The following SATB2 variants were observed in gnomAD, a reference collection of about 807,000 sequenced individuals.
SATB2 encodes SATB homeobox 2, also known as DNA-binding protein SATB2.
In SATB2, 1 loss-of-function variant was observed where a neutral mutation model predicts 73.4. That is an observed-to-expected ratio of 0.01 (90% confidence interval 0.00 to 0.06). The LOEUF is 0.06. SATB2 is among the 10% of genes least tolerant of loss of function. The probability of loss-of-function intolerance (pLI) is 1.00; values close to 1 mark genes in which losing one functional copy is unlikely to be tolerated. For missense variants in SATB2, 459 were observed against 945.8 expected, an observed-to-expected ratio of 0.49 and a Z score of 6.75; for synonymous variants, 397 against 367.0, an observed-to-expected ratio of 1.08 and a Z score of -0.93.
At chr2:199,295,493 C>T (rs1382225688) in intron 10 of SATB2, among the ~76,000 whole-genome samples, 6 of 151,886 alleles carry the variant, frequency 4.0e-5, no homozygotes, top group Admixed American at 1.3e-4. Context: ...GCCAGTTTCA[C>T]GCTGCCAATG....
At chr2:199,299,632 TTTG>T (rs1446200931) in intron 10 of SATB2, among the ~76,000 whole-genome samples, 1 of 94,490 alleles carries the variant, frequency 1.1e-5, no homozygotes, top group Non-Finnish European at 3.0e-5. Context: ...CATGTGAAAT[TTTG>T]TTTTTTTTCA....
At chr2:199,451,913 C>T (rs976121274) in intron 2 of SATB2, among the ~76,000 whole-genome samples, 6 of 151,938 alleles carry the variant, frequency 3.9e-5, no homozygotes, top group African/African-American at 7.3e-5. Flanking sequence ...CCTGGTAGCA[C>T]GAATAGGTCT....
At chr2:199,459,091 G>C (rs1315708862), upstream of SATB2, among the ~76,000 whole-genome samples, 3 of 152,022 alleles carry the variant, frequency 2.0e-5, no homozygotes, top group Admixed American at 6.5e-5. The surrounding 1 kb of genome is among the most constrained non-coding windows in gnomAD (Gnocchi z 4.2). Flanking sequence ...GGTGCAAACC[G>C]GGCCGCCTGG....
At chr2:199,331,587 C>A in intron 7 of SATB2, among the ~76,000 whole-genome samples, 1 of 152,118 alleles carries the variant, frequency 6.6e-6, no homozygotes, top group East Asian at 1.9e-4. Context: ...TTTTCAATAA[C>A]AAGTGGCTCA....
chr2:199,386,712 GCGCGCACACACACACACACACACACA>G (rs1241247904), intron 3 of SATB2, among the ~76,000 whole-genome samples: 91 of 67,676 alleles, frequency 1.3e-3, no homozygotes, highest in Middle Eastern at 6.8e-3. Context: ...GCGCGCGCGC[GCGCGCACACACACACACACACACACA>G]CACACACACA....
chr2:199,430,391 A>G (rs1542243), intron 3 of SATB2, among the ~76,000 whole-genome samples: 88,830 of 152,074 alleles, frequency 0.58, 29,446 homozygotes, highest in Non-Finnish European at 0.74. Flanking sequence ...CTATTCTGGT[A>G]GAAGCAAAGG....
At chr2:199,299,026 C>G (rs947213148) in intron 10 of SATB2, among the ~76,000 whole-genome samples, 4 of 152,162 alleles carry the variant, frequency 2.6e-5, no homozygotes, top group Non-Finnish European at 5.9e-5. Flanking sequence ...ATTAAAGGCA[C>G]ACCAAATGAG....
At chr2:199,426,913 G>A (rs1340438258) in intron 3 of SATB2, among the ~76,000 whole-genome samples, 1 of 151,902 alleles carries the variant, frequency 6.6e-6, no homozygotes, top group South Asian at 2.1e-4. Context: ...TGTCGCCCAG[G>A]ATGGAGTGCA....
intron 2 of SATB2, 147 bp from the exon 3 acceptor site, chr2:199,433,661 C>T (rs1691570383): frequency 1.3e-6 from 1 of 776,614 alleles, no homozygotes; most frequent in Admixed American, 2.0e-5. Flanking sequence ...TCATATAGGT[C>T]TAATGGAAAG....
At chr2:199,370,866 G>A (rs1025651177) in intron 5 of SATB2, among the ~76,000 whole-genome samples, 2 of 146,378 alleles carry the variant, frequency 1.4e-5, no homozygotes, top group African/African-American at 5.1e-5. Context: ...TTTGTTTTCT[G>A]TCCCAGATAA....
chr2:199,275,914 T>C (rs1047775522), intron 10 of SATB2, among the ~76,000 whole-genome samples: 14 of 152,188 alleles, frequency 9.2e-5, no homozygotes, highest in African/African-American at 3.4e-4. Flanking sequence ...TCTTTGGCTA[T>C]AAGTCCCTTT....
At chr2:199,400,915 T>A (rs1276717409) in intron 3 of SATB2, among the ~76,000 whole-genome samples, 1 of 152,162 alleles carries the variant, frequency 6.6e-6, no homozygotes, top group Admixed American at 6.5e-5. Context: ...TTGGTTATAT[T>A]TTACAAATGA....
chr2:199,397,723 T>C (rs1172491619), intron 3 of SATB2: 2 of 409,698 alleles, frequency 4.9e-6, no homozygotes, highest in Admixed American at 2.7e-5. Flanking sequence ...ACCCTATTAC[T>C]ACTAAAAATA....
intron 10 of SATB2, among the ~76,000 whole-genome samples, chr2:199,300,605 C>A (rs1053746337): frequency 6.6e-6 from 1 of 151,936 alleles, no homozygotes; most frequent in Non-Finnish European, 1.5e-5. Context: ...ACTTTTTGTA[C>A]CGATATAAAT....
At chr2:199,357,058 C>T (rs1689007866) in intron 6 of SATB2, among the ~76,000 whole-genome samples, 1 of 152,180 alleles carries the variant, frequency 6.6e-6, no homozygotes, top group Admixed American at 6.5e-5. Context: ...ATTCTGAATT[C>T]AAACCTATGC....
chr2:199,377,672 T>C (rs949054947), intron 5 of SATB2, among the ~76,000 whole-genome samples: 2 of 152,136 alleles, frequency 1.3e-5, no homozygotes, highest in African/African-American at 4.8e-5. Context: ...ATGGAGTCCG[T>C]ACTTCCTACA....
intron 7 of SATB2, among the ~76,000 whole-genome samples, chr2:199,330,645 T>A (rs1688163089): frequency 6.6e-6 from 1 of 152,208 alleles, no homozygotes; most frequent in Non-Finnish European, 1.5e-5. Flanking sequence ...GTATCGACTC[T>A]CTGAAATTAA....
chr2:199,404,485 T>C (rs1690574700), intron 3 of SATB2, among the ~76,000 whole-genome samples: 1 of 152,216 alleles, frequency 6.6e-6, no homozygotes, highest in Non-Finnish European at 1.5e-5. Context: ...AATGGCACAG[T>C]ATAATTCTGA....
intron 3 of SATB2, among the ~76,000 whole-genome samples, chr2:199,431,679 T>G (rs74333973): frequency 1.4e-3 from 217 of 152,318 alleles, no homozygotes; most frequent in African/African-American, 5.0e-3. Context: ...CTGAAAGGAA[T>G]AGTGTGGCTC....
Sources: gnomAD v4.1 joint callset for allele counts (sites outside exome capture counted in the v4.1 genomes callset) on GRCh38, gnomAD v4.1.1 for gene constraint, Gnocchi (gnomAD v3.1) non-coding constraint, MANE v1.5 for transcripts, NCBI Gene and HGNC (gene_info 2026-07-23, HGNC 2026-07-21) for gene names.